Variants in RXRA observed in about 807,000 individuals in gnomAD.
RXRA encodes retinoic acid receptor RXR-alpha.
RXRA carries 5 observed loss-of-function variants against 44.5 expected under a neutral mutation model. The observed-to-expected ratio is 0.11, with a 90% CI of 0.06 to 0.24. The LOEUF is 0.24. RXRA is among the 10% of genes least tolerant of loss of function. RXRA has a pLI of 1.00. For missense variants in RXRA, 412 were observed against 646.5 expected (o/e 0.64, Z 3.93); for synonymous variants, 291 against 271.4 (o/e 1.07, Z -0.71).
At chr9:134,379,852 C>T in intron 1 of RXRA, 1 of 985,250 alleles carries the variant, frequency 1.0e-6, no homozygotes, top group Non-Finnish European at 1.2e-6. Flanking sequence ...GGGCAGTGGC[C>T]CTGGGATCTG....
rs559814857 is a variant in RXRA at position 134,366,956 on chromosome 9, A to G, written c.29-34676A>G. ...AGGGGCTGGTGGTTCCCGGGCCTGC[A>G]CATCCCCACCCCTGCCCTGCGTGCC... On this transcript the variant is annotated intron_variant, in intron 1 of 9. Transcript: ENST00000481739. This position sits in a 1 kb window ranked among gnomAD's most constrained non-coding sequence, Gnocchi z 5.9. Among the ~76,000 whole-genome samples, 25 of 152,086 alleles carry G rather than the reference A, an allele frequency of 1.6e-4. No individual in the cohort carries two copies. Among genetic ancestry groups the G allele is most frequent in the African/African-American group, 6.0e-4 (25 of 41,466 alleles).
At chr9:134,432,120 G>A in intron 8 of RXRA, 124 bp downstream of exon 8, 2 of 672,124 alleles carry the variant, frequency 3.0e-6, no homozygotes, top group African/African-American at 3.6e-5. Context: ...CCCTCCTTGA[G>A]CTCAGTGTGC....
At chr9:134,425,476 C>T (rs996335608) in intron 6 of RXRA, 156 of 981,642 alleles carry the variant, frequency 1.6e-4, no homozygotes, top group African/African-American at 2.0e-4. Flanking sequence ...TTTCCAAGGC[C>T]GTGTTAGCTG....
chr9:134,350,517 C>T lies in RXRA; in HGVS notation c.28+23858C>T, dbSNP rs542637666. Among the ~76,000 whole-genome samples, 7 of 152,320 alleles carry T rather than the reference C, an allele frequency of 4.6e-5. No homozygotes were observed. The South Asian group carries it at 6.2e-4, about 14-fold the overall frequency. On this transcript the variant is annotated intron_variant, in intron 1 of 9. Coordinates refer to ENST00000481739, the MANE Select transcript of RXRA (RefSeq NM_002957.6). ...GCTCCATTCGGAGGCCTGTGGTTTC[C>T]GGCTAGTGTCTTCCTTCGGGCACAG...
chr9:134,404,496 G>C (rs1340095702), intron 2 of RXRA: 1 of 152,360 alleles, frequency 6.6e-6, no homozygotes, highest in Non-Finnish European at 1.5e-5. Context: ...GGTGGAGTGA[G>C]TTGGTGCCAG....
intron 1 of RXRA, among the ~76,000 whole-genome samples, chr9:134,370,398 C>T (rs1316331204): frequency 1.3e-5 from 2 of 152,240 alleles, no homozygotes; most frequent in Non-Finnish European, 2.9e-5. Context: ...TTTCTGGTCC[C>T]TGTGTGCAGA....
At chr9:134,340,482 C>T (rs1830073155) in intron 1 of RXRA, among the ~76,000 whole-genome samples, 1 of 152,210 alleles carries the variant, frequency 6.6e-6, no homozygotes, top group Non-Finnish European at 1.5e-5. Context: ...CCAGGGAGCA[C>T]TCTGAAGCAG....
chr9:134,381,222 G>A (rs1830639968), intron 1 of RXRA, among the ~76,000 whole-genome samples: 1 of 152,204 alleles, frequency 6.6e-6, no homozygotes, highest in African/African-American at 2.4e-5. Flanking sequence ...GCTTTGAAGA[G>A]GCAGGCGTAT....
At chr9:134,380,312 G>C (rs1256807675) in intron 1 of RXRA, 4 of 537,904 alleles carry the variant, frequency 7.4e-6, no homozygotes, top group Non-Finnish European at 9.5e-6. Flanking sequence ...CTTGGCCTGG[G>C]GGCAGGGGTA....
intron 1 of RXRA, among the ~76,000 whole-genome samples, chr9:134,355,640 TC>T (rs1475350123): frequency 2.0e-5 from 3 of 152,040 alleles, no homozygotes; most frequent in African/African-American, 7.3e-5. Context: ...AAAGCTGCCC[TC>T]TGCAGCCAGG....
chr9:134,377,023 C>G (rs533783911), intron 1 of RXRA, among the ~76,000 whole-genome samples: 5 of 152,344 alleles, frequency 3.3e-5, no homozygotes, highest in African/African-American at 1.2e-4. Flanking sequence ...ACCCGTCAGC[C>G]GGGTTTTCCT....
chr9:134,400,896 G>T (rs927274375), intron 1 of RXRA, among the ~76,000 whole-genome samples: 2 of 152,158 alleles, frequency 1.3e-5, no homozygotes, highest in African/African-American at 4.8e-5. Flanking sequence ...CCCTCAAACA[G>T]ACCTCAGAGC....
chr9:134,425,565 A>AG, intron 6 of RXRA: 1 of 77,202 alleles, frequency 1.3e-5, no homozygotes, highest in Non-Finnish European at 1.5e-5. Context: ...GGGGGGGGTG[A>AG]GGGGGGTGGG....
intron 2 of RXRA, chr9:134,405,497 C>T (rs2119150345): frequency 6.6e-6 from 1 of 152,462 alleles, no homozygotes; most frequent in South Asian, 2.1e-4. Flanking sequence ...GACCGTCTGC[C>T]ATTCTGTCCT....
At chr9:134,380,501 CT>C (rs200421531) in intron 1 of RXRA, among the ~76,000 whole-genome samples, 1 of 149,078 alleles carries the variant, frequency 6.7e-6, no homozygotes, top group African/African-American at 2.5e-5. Flanking sequence ...GCGGCCCCCC[CT>C]GGGAGGAGGC....
chr9:134,348,248 G>T (rs563276890), intron 1 of RXRA, among the ~76,000 whole-genome samples: 1 of 152,306 alleles, frequency 6.6e-6, no homozygotes, highest in East Asian at 1.9e-4. Flanking sequence ...GGGGAGACCT[G>T]GAAGCCTCCC....
At chr9:134,368,335 G>A (rs1292522326) in intron 1 of RXRA, among the ~76,000 whole-genome samples, 2 of 152,216 alleles carry the variant, frequency 1.3e-5, no homozygotes, top group Admixed American at 6.5e-5. Context: ...TGGGAAGTAG[G>A]GCAGCTGCTC....
At chr9:134,430,621 G>A (rs1321491120) in intron 7 of RXRA, among the ~76,000 whole-genome samples, 1 of 136,912 alleles carries the variant, frequency 7.3e-6, no homozygotes, top group Non-Finnish European at 1.6e-5. Context: ...GGGCCTTTAA[G>A]AAGTTAGTGT....
At chr9:134,418,658 G>T (rs1831279102) in intron 5 of RXRA, among the ~76,000 whole-genome samples, 1 of 152,226 alleles carries the variant, frequency 6.6e-6, no homozygotes, top group African/African-American at 2.4e-5. Context: ...CCCCTGCCAG[G>T]GTGGGGACTG....
Sources: allele counts gnomAD v4.1 joint callset (sites outside exome capture counted in the v4.1 genomes callset), GRCh38; gene constraint gnomAD v4.1.1; non-coding constraint Gnocchi (gnomAD v3.1); transcripts MANE v1.5; gene names NCBI Gene and HGNC (gene_info 2026-07-23, HGNC 2026-07-21).